Variants in DAZL observed in about 807,000 individuals in gnomAD.
DAZL encodes the protein deleted in azoospermia like.
A neutral mutation model predicts 45.0 loss-of-function variants in DAZL; 4 were observed. That is an observed-to-expected ratio of 0.09 (90% CI 0.04 to 0.20). The LOEUF is 0.20. Ranked by LOEUF, DAZL falls within the 10% of genes least tolerant of loss-of-function variation. The pLI, the probability that DAZL is intolerant of heterozygous loss-of-function variation, is 1.00. For synonymous variants in DAZL, 122 were observed against 112.4 expected (o/e 1.09, Z -0.54); for missense variants, 326 against 351.3 (o/e 0.93, Z 0.58).
intron 7 of DAZL, 48 bp downstream of exon 7, chr3:16,595,266 G>A: frequency 2.9e-6 from 3 of 1,035,092 alleles, no homozygotes; most frequent in South Asian, 3.2e-5. Context: ...CAAGTTAAAG[G>A]CCTCAATAAA....
intron 6 of DAZL, among the ~76,000 whole-genome samples, chr3:16,595,822 T>A (rs143413797): frequency 6.6e-6 from 1 of 152,168 alleles, no homozygotes; most frequent in East Asian, 1.9e-4. Context: ...ATGCTATGGC[T>A]TTTTCTGTAC....
intron 1 of DAZL, among the ~76,000 whole-genome samples, chr3:16,601,383 A>G (rs950724513): frequency 1.3e-5 from 2 of 152,206 alleles, no homozygotes; most frequent in African/African-American, 4.8e-5. Context: ...TCACTTTAAT[A>G]GCGTAATAAC....
chr3:16,597,406 A>G lies in DAZL; in HGVS notation c.294+84T>C. On this transcript the variant is annotated intron_variant, in intron 4 of 10. Transcript: ENST00000399444. ...TGACCAGAAAGTGTATCGTCTTCCA[A>G]ATTTTACACAAGACTGAGTATATCA... 6.1e-6 allele frequency: 6 copies of G among 979,918 alleles called. No homozygotes were observed. In the South Asian group the frequency reaches 6.5e-5, roughly 11 times the overall value. 60.7% of individuals were successfully genotyped at this position (979,918 alleles called of 1,614,324 possible). A position where few individuals can be genotyped will look rare whatever the true frequency, so the allele number is the denominator to read the frequency against.
rs545155027 is a variant in DAZL, at chr3:16,593,452, C to T, written c.735+203G>A. On this transcript the variant is annotated intron_variant, in intron 9 of 10. Coordinates refer to ENST00000399444, the MANE Select transcript of DAZL (RefSeq NM_001351.4). The stretch of plus-strand genomic sequence containing the variant: ...CCCCAAAAAGTGCTGGGATTACAGG[C>T]GTGAGCCACTGCACCCAGCCAAGAT... Among the ~76,000 whole-genome samples the T allele has an allele frequency of 7.2e-5, 11 of 152,252 alleles. No individual in the cohort carries two copies. The South Asian group carries it at 1.9e-3, about 26-fold the overall frequency.
At chr3:16,604,931 G>A in intron 1 of DAZL, 1 of 681,146 alleles carries the variant, frequency 1.5e-6, no homozygotes. Flanking sequence ...AGAAGGCCGT[G>A]GCCCTTGCAC....
chr3:16,600,571 T>C (rs1410547610), intron 1 of DAZL, among the ~76,000 whole-genome samples: 1 of 152,250 alleles, frequency 6.6e-6, no homozygotes, highest in Non-Finnish European at 1.5e-5. Flanking sequence ...CTTGAACTAT[T>C]AGGAACCTGA....
intron 10 of DAZL, among the ~76,000 whole-genome samples, chr3:16,590,553 G>C (rs756683092): frequency 2.6e-5 from 4 of 152,112 alleles, no homozygotes; most frequent in Non-Finnish European, 5.9e-5. Flanking sequence ...AGAGAAATAA[G>C]AACATATGTC....
At chr3:16,604,628 C>G in intron 1 of DAZL, 1 of 1,371,380 alleles carries the variant, frequency 7.3e-7, no homozygotes. Context: ...CGAACCCCGC[C>G]CACCCCACCA....
intron 10 of DAZL, among the ~76,000 whole-genome samples, chr3:16,589,395 A>G (rs1306497347): frequency 6.6e-6 from 1 of 152,190 alleles, no homozygotes; most frequent in Non-Finnish European, 1.5e-5. Context: ...CTAGGACCTC[A>G]GTTTCACTGT....
intron 1 of DAZL, chr3:16,604,574 G>C (rs775169933): frequency 2.7e-5 from 39 of 1,422,778 alleles, no homozygotes; most frequent in Non-Finnish European, 3.3e-5. Context: ...TCAGCTACAG[G>C]GCCATGCCTT....
In DAZL at chr3:16,594,588, A is replaced by G. The variant is rs571723942; in HGVS notation, c.571-5T>C. 1.2e-6 allele frequency: 1 copy of G among 835,518 alleles called. No homozygotes were observed. The highest frequency in any genetic ancestry group is 2.3e-5 in the South Asian group (1 of 43,992). 51.8% of individuals were successfully genotyped at this position (835,518 alleles called of 1,614,324 possible). ...AACAGGCCACTGTGGTGGCATCTTA[A>G]AAAAAAAAAAAAGGAAACCAAAATT... On this transcript the variant is annotated splice_region_variant and splice_polypyrimidine_tract_variant and intron_variant, in intron 7 of 10. Transcript: ENST00000399444.
rs1201945375 is a variant in DAZL at position 16,588,155 on chromosome 3, CTA to C, written c.*503_*504del. The stretch of plus-strand genomic sequence containing the variant: ...GATAAGAAGACTTCAATAAAGCTAA[CTA>C]TATATTGAGTTCCACTGATTAAAAA... On this transcript the variant is annotated 3_prime_UTR_variant, in exon 11 of 11. Coordinates refer to ENST00000399444, the MANE Select transcript of DAZL (RefSeq NM_001351.4). 5.8e-6 allele frequency: 1 copy of C among 173,614 alleles called. No homozygotes were observed. Among genetic ancestry groups the C allele is most frequent in the Non-Finnish European group, 1.2e-5 (1 of 83,890 alleles). 10.8% of individuals were successfully genotyped at this position (173,614 alleles called of 1,614,324 possible).
chr3:16,601,459 AAAGT>A (rs1218756726), intron 1 of DAZL, among the ~76,000 whole-genome samples: 4 of 152,224 alleles, frequency 2.6e-5, no homozygotes, highest in Admixed American at 2.6e-4. Context: ...CAAAGCTAAC[AAAGT>A]AAGCAATGTA....
At chr3:16,600,057 CT>C (rs1166137194) in intron 1 of DAZL, among the ~76,000 whole-genome samples, 13 of 151,992 alleles carry the variant, frequency 8.6e-5, no homozygotes, top group African/African-American at 2.9e-4. Flanking sequence ...CTTGAAGATA[CT>C]TTTAATTAAG....
chr3:16,597,249 T>C (rs996573731), intron 4 of DAZL, among the ~76,000 whole-genome samples, 198 bp from the exon 5 acceptor site: 6 of 152,126 alleles, frequency 3.9e-5, no homozygotes, highest in African/African-American at 7.2e-5. Flanking sequence ...CAAGTGAAAG[T>C]TGATCAAAAA....
chr3:16,604,039 A>C (rs1289617788), intron 1 of DAZL, among the ~76,000 whole-genome samples: 1 of 152,210 alleles, frequency 6.6e-6, no homozygotes, highest in Non-Finnish European at 1.5e-5. Context: ...TATAATAAAT[A>C]ATTACTTACA....
rs1291972113 is a variant in DAZL at position 16,596,663 on chromosome 3, CCACT to C, written c.498+83_498+86del. 4.3e-5 allele frequency: 61 copies of C among 1,425,386 alleles called. No individual in the cohort carries two copies. The African/African-American group carries it at 7.3e-4, about 17-fold the overall frequency. The allele number at this position is 1,425,386 out of a possible 1,614,324, so 88.3% of individuals were successfully genotyped here. A position where few individuals can be genotyped will look rare whatever the true frequency, so the allele number is the denominator to read the frequency against. On this transcript the variant is annotated intron_variant, in intron 6 of 10. Transcript: ENST00000399444. ...AAGTATTCAAACAGGGATGCCATTA[CCACT>C]TACTACAGAAATTGGATGTAATTCC... is the stretch of plus-strand genomic sequence containing the variant.
chr3:16,596,028 G>A (rs898500531), intron 6 of DAZL, among the ~76,000 whole-genome samples: 1 of 151,726 alleles, frequency 6.6e-6, no homozygotes, highest in African/African-American at 2.4e-5. Context: ...CCATTGTTCA[G>A]AGAAGGAGAA....
chr3:16,594,629 C>T lies in DAZL; in HGVS notation c.571-46G>A. 2.8e-6 allele frequency: 4 copies of T among 1,423,906 alleles called. No homozygotes were observed. The South Asian group carries it at 4.1e-5, about 14-fold the overall frequency. The allele number at this position is 1,423,906 out of a possible 1,614,324, so 88.2% of individuals were successfully genotyped here. A position where few individuals can be genotyped will look rare whatever the true frequency, so the allele number is the denominator to read the frequency against. On this transcript the variant is annotated intron_variant, in intron 7 of 10. Transcript: ENST00000399444. ...AACCAAAATTATTCAAATATTCCTA[C>T]AAATTTTCAAAAACACACGAGATAC...
Sources: allele counts gnomAD v4.1 joint callset (sites outside exome capture counted in the v4.1 genomes callset), GRCh38; gene constraint gnomAD v4.1.1; transcripts MANE v1.5; gene names NCBI Gene and HGNC (gene_info 2026-07-23, HGNC 2026-07-21).